CELF2: variants seen among roughly 807,000 people sequenced by gnomAD.
CELF2 encodes CUGBP Elav-like family member 2, also known as CUG triplet repeat RNA-binding protein 2.
In CELF2, 8 loss-of-function variants were observed where a neutral mutation model predicts 62.6. The observed-to-expected ratio is 0.13, with a 90% CI of 0.07 to 0.23. The LOEUF is 0.23. CELF2 is among the 10% of genes least tolerant of loss of function. The pLI is 1.00. For synonymous variants in CELF2, 258 were observed against 250.0 expected, an observed-to-expected ratio of 1.03 and a Z score of -0.30; for missense variants, 333 against 671.0, an observed-to-expected ratio of 0.50 and a Z score of 5.56.
intron 1 of CELF2, among the ~76,000 whole-genome samples, chr10:11,074,564 A>G (rs1190353104): frequency 6.6e-6 from 1 of 152,190 alleles, no homozygotes; most frequent in African/African-American, 2.4e-5. Context: ...AATATTCACT[A>G]TGGGATAAAT....
intron 1 of CELF2, among the ~76,000 whole-genome samples, chr10:11,118,816 A>G (rs1259314792): frequency 6.6e-6 from 1 of 152,218 alleles, no homozygotes; most frequent in African/African-American, 2.4e-5. Context: ...TCCTTGAATC[A>G]TTTGAGCAGG....
chr10:10,706,208 T>C, the CELF2 span, among the ~76,000 whole-genome samples: 1 of 152,330 alleles, frequency 6.6e-6, no homozygotes, highest in East Asian at 1.9e-4. Context: ...CCCTTTTACA[T>C]GTACTTTTCT....
intron 1 of CELF2, among the ~76,000 whole-genome samples, chr10:11,147,256 T>C (rs1184581571): frequency 6.6e-6 from 1 of 152,186 alleles, no homozygotes; most frequent in African/African-American, 2.4e-5. Context: ...GATGATACTT[T>C]GGGAAAAGGA....
rs1285952507 is a variant in CELF2 at position 11,010,400 on chromosome 10, T to G, written c.53+4960T>G. ...AACAATCGAATCAGTACTGGCCTTC[T>G]CTCTTCCTTTCCAACTGCCCGTTGT... On this transcript the variant is annotated intron_variant, in intron 1 of 12. Coordinates refer to the CELF2 transcript ENST00000416382. This position sits in a 1 kb window ranked among gnomAD's most constrained non-coding sequence, Gnocchi z 4.1. Among the ~76,000 whole-genome samples, 1 of 152,130 alleles carries G rather than the reference T, an allele frequency of 6.6e-6. No individual in the cohort carries two copies. Among genetic ancestry groups the G allele is most frequent in the East Asian group, 1.9e-4 (1 of 5,196 alleles).
chr10:10,849,235 A>G (rs1261435418), intron 1 of CELF2, among the ~76,000 whole-genome samples: 2 of 151,042 alleles, frequency 1.3e-5, no homozygotes, highest in Non-Finnish European at 2.9e-5. Context: ...TATCTCTACT[A>G]AAAATACAAA....
intron 3 of CELF2, among the ~76,000 whole-genome samples, chr10:11,222,246 A>G (rs2065075447): frequency 6.6e-6 from 1 of 152,106 alleles, no homozygotes; most frequent in Non-Finnish European, 1.5e-5. Flanking sequence ...TCTTTGAACC[A>G]CCTCTCCTAC....
chr10:10,528,043 G>T, the CELF2 span, among the ~76,000 whole-genome samples: 1 of 152,112 alleles, frequency 6.6e-6, no homozygotes, highest in Non-Finnish European at 1.5e-5. Context: ...TCAGATAAGA[G>T]CCCAGGCCTG....
intron 1 of CELF2, among the ~76,000 whole-genome samples, chr10:11,097,614 ACTAT>A (rs1319744035): frequency 2.0e-5 from 3 of 152,198 alleles, no homozygotes; most frequent in Admixed American, 2.0e-4. Flanking sequence ...ACCATCACTA[ACTAT>A]CTTTGACCTT....
chr10:10,797,494 C>G (rs1353113098), upstream of CELF2, among the ~76,000 whole-genome samples: 1 of 152,030 alleles, frequency 6.6e-6, no homozygotes, highest in Non-Finnish European at 1.5e-5. Flanking sequence ...TTGCCTTCTA[C>G]CAAAGACCAG....
intron 1 of CELF2, among the ~76,000 whole-genome samples, chr10:11,083,901 T>A (rs567671965): frequency 6.6e-6 from 1 of 152,302 alleles, no homozygotes; most frequent in African/African-American, 2.4e-5. Context: ...ACTGACCACG[T>A]CTTCACTCTG....
the CELF2 span, among the ~76,000 whole-genome samples, chr10:10,793,058 T>C: frequency 1.3e-5 from 2 of 152,334 alleles, no homozygotes; most frequent in East Asian, 3.9e-4. Context: ...GACACATACG[T>C]GGACCCCAAA....
At chr10:11,128,164 C>G (rs1184938432) in intron 1 of CELF2, among the ~76,000 whole-genome samples, 2 of 152,122 alleles carry the variant, frequency 1.3e-5, no homozygotes, top group African/African-American at 4.8e-5. Context: ...TTGTTTTTGT[C>G]AGGTTTGTCA....
the CELF2 span, among the ~76,000 whole-genome samples, chr10:10,486,619 C>T: frequency 3.1e-4 from 47 of 152,172 alleles, no homozygotes; most frequent in African/African-American, 4.3e-4. Flanking sequence ...GCACTCCAAA[C>T]CTGAAAATCT....
At chr10:10,509,255 C>G in the CELF2 span, among the ~76,000 whole-genome samples, 5 of 152,118 alleles carry the variant, frequency 3.3e-5, no homozygotes, top group African/African-American at 9.7e-5. Context: ...TGTCCTAGCT[C>G]TATTATGCCT....
chr10:10,510,487 A>G, the CELF2 span, among the ~76,000 whole-genome samples: 188 of 152,364 alleles, frequency 1.2e-3, no homozygotes, highest in African/African-American at 3.3e-3. Flanking sequence ...TCATCTTGCC[A>G]AAAGTTTAAT....
intron 2 of CELF2, chr10:10,927,357 A>AACAAAAC (rs1054096582): frequency 6.7e-6 from 1 of 149,372 alleles, no homozygotes. Context: ...AAAAAAAAAA[A>AACAAAAC]AAAAAAAAAC....
chr10:10,507,055 T>C, the CELF2 span, among the ~76,000 whole-genome samples: 4 of 152,124 alleles, frequency 2.6e-5, no homozygotes, highest in Non-Finnish European at 4.4e-5. Flanking sequence ...TTGGGGTGTT[T>C]AGTTCTCAGT....
the CELF2 span, among the ~76,000 whole-genome samples, chr10:10,584,900 T>G: frequency 2.0e-5 from 3 of 152,162 alleles, no homozygotes; most frequent in Non-Finnish European, 4.4e-5. Context: ...GGCTGGAGGC[T>G]ACGATGTTGA....
At position 11,124,768 on chromosome 10, in the gene CELF2, A is replaced by G. The variant is rs150635895; in HGVS notation, c.75-40718A>G. On this transcript the variant is annotated intron_variant, in intron 1 of 12. Transcript: ENST00000633077. ...CAGTCTATTATACGTGAAATTTCCA[A>G]AGTTGCTGAAAAGATTGAAAATACC... is the stretch of plus-strand genomic sequence containing the variant. Among the ~76,000 whole-genome samples, 144 of 152,354 alleles carry G rather than the reference A, an allele frequency of 9.5e-4. 2 individuals carry two copies. Among genetic ancestry groups the G allele is most frequent in the Non-Finnish European group, 1.6e-3 (108 of 68,030 alleles).
Sources: gnomAD v4.1 joint callset for allele counts (sites outside exome capture counted in the v4.1 genomes callset) on GRCh38, gnomAD v4.1.1 for gene constraint, Gnocchi (gnomAD v3.1) non-coding constraint, MANE v1.5 for transcripts, NCBI Gene and HGNC (gene_info 2026-07-23, HGNC 2026-07-21) for gene names.